TPTE2: variants seen among roughly 807,000 people sequenced by gnomAD.
TPTE2 encodes phosphatidylinositol 3,4,5-trisphosphate 3-phosphatase TPTE2.
In TPTE2, 53 loss-of-function variants were observed where a neutral mutation model predicts 78.6. The ratio of observed to expected loss-of-function variants is 0.67; its 90% confidence interval spans 0.54 to 0.85. TPTE2 has a LOEUF of 0.85. Among genes scored for constraint, TPTE2 ranks in the 40% least tolerant of loss-of-function variants. The pLI, the probability that TPTE2 is intolerant of heterozygous loss-of-function variation, is 0.00. For missense variants in TPTE2, 461 were observed against 623.0 expected (o/e 0.74, Z 2.77); for synonymous variants, 175 against 206.2 (o/e 0.85, Z 1.30).
At chr13:19,534,380 C>A (rs923871776) in intron 1 of TPTE2, among the ~76,000 whole-genome samples, 2 of 152,174 alleles carry the variant, frequency 1.3e-5, no homozygotes, top group South Asian at 2.1e-4. Flanking sequence ...ATGAAACGCT[C>A]CCTTGGGGGC....
At chr13:19,495,762 C>T (rs1169882467) in intron 1 of TPTE2, among the ~76,000 whole-genome samples, 1 of 152,220 alleles carries the variant, frequency 6.6e-6, no homozygotes, top group Non-Finnish European at 1.5e-5. Flanking sequence ...TGCCAAAGAA[C>T]TTAACATGTA....
intron 6 of TPTE2, among the ~76,000 whole-genome samples, chr13:19,468,097 A>G (rs1399993238): frequency 4.6e-4 from 51 of 111,790 alleles, no homozygotes; most frequent in Non-Finnish European, 6.8e-4. Context: ...CTGGAGTGCA[A>G]TGGCGTGATC....
chr13:19,547,724 T>TATATATATATA, the TPTE2 span, among the ~76,000 whole-genome samples: 3 of 56,222 alleles, frequency 5.3e-5, 1 homozygote, highest in African/African-American at 4.9e-5. Flanking sequence ...AATATACATA[T>TATATATATATA]ATATATATAT....
chr13:19,438,318 C>T (rs991751592), intron 13 of TPTE2, 165 bp from the exon 17 acceptor site: 8 of 985,208 alleles, frequency 8.1e-6, no homozygotes, highest in African/African-American at 7.0e-5. Flanking sequence ...CTCATTGCAA[C>T]CTCCGCCTCA....
At chr13:19,497,838 G>A (rs553551299) in intron 1 of TPTE2, among the ~76,000 whole-genome samples, 9 of 150,764 alleles carry the variant, frequency 6.0e-5, no homozygotes, top group African/African-American at 1.2e-4. Context: ...GGCTTCAGAC[G>A]ATCAAATTAC....
chr13:19,440,428 TAAA>T (rs35288537), intron 13 of TPTE2, among the ~76,000 whole-genome samples: 1 of 151,564 alleles, frequency 6.6e-6, no homozygotes, highest in African/African-American at 2.4e-5. Context: ...TCTTTCTTGA[TAAA>T]AAAAAAACAC....
intron 1 of TPTE2, among the ~76,000 whole-genome samples, chr13:19,518,259 A>G (rs569123931): frequency 6.6e-6 from 1 of 152,328 alleles, no homozygotes; most frequent in East Asian, 1.9e-4. Flanking sequence ...AGAAATGGTA[A>G]ATGTTTAAGG....
the TPTE2 span, among the ~76,000 whole-genome samples, chr13:19,548,018 T>C: frequency 2.0e-5 from 3 of 151,956 alleles, no homozygotes; most frequent in Non-Finnish European, 2.9e-5. Flanking sequence ...ACATAAGAGA[T>C]AGTGAAACAT....
the TPTE2 span, among the ~76,000 whole-genome samples, chr13:19,552,003 G>A: frequency 6.6e-6 from 1 of 152,110 alleles, no homozygotes; most frequent in East Asian, 1.9e-4. Context: ...TTTTGATTTA[G>A]GAAGAGATAA....
the TPTE2 span, among the ~76,000 whole-genome samples, chr13:19,546,483 C>CTTT: frequency 0.03 from 2,575 of 84,926 alleles, 158 homozygotes; most frequent in African/African-American, 0.039. Flanking sequence ...TTTTCTTTTT[C>CTTT]TTTTTTTTTT....
intron 3 of TPTE2, among the ~76,000 whole-genome samples, chr13:19,488,427 A>G (rs1389359054): frequency 2.0e-5 from 3 of 152,224 alleles, no homozygotes; most frequent in Admixed American, 6.5e-5. Context: ...ATAAAAGACT[A>G]TCTTGTCTAC....
intron 17 of TPTE2, among the ~76,000 whole-genome samples, chr13:19,428,393 A>G (rs1205532929): frequency 6.6e-6 from 1 of 152,194 alleles, no homozygotes; most frequent in Non-Finnish European, 1.5e-5. Flanking sequence ...GGTTGTGGTG[A>G]GCTGAGATTG....
At position 19,461,807 on chromosome 13, in the gene TPTE2, G is replaced by A. The variant is rs190575921; in HGVS notation, c.741+2649C>T. ...CTTAAAGTCTGTTTTTATCTGATAA[G>A]TATGGCTACCTCTGCTCGCTTTTGG... On this transcript the variant is annotated intron_variant, in intron 10 of 19. Coordinates refer to ENST00000400230, the Ensembl canonical transcript of TPTE2. 2.1e-3 allele frequency among the ~76,000 whole-genome samples: 323 copies of A among 152,176 alleles called. 2 individuals are homozygous for A. Among genetic ancestry groups the A allele is most frequent in the African/African-American group, 5.9e-3 (244 of 41,516 alleles).
At chr13:19,509,108 C>T (rs1320011713) in intron 1 of TPTE2, among the ~76,000 whole-genome samples, 2 of 152,010 alleles carry the variant, frequency 1.3e-5, no homozygotes, top group African/African-American at 4.8e-5. Context: ...AATAACATGA[C>T]AAAGTTTGTA....
At chr13:19,432,645 T>C (rs1876751257) in intron 15 of TPTE2, 67 bp from the exon 19 acceptor site, 5 of 1,046,750 alleles carry the variant, frequency 4.8e-6, no homozygotes, top group South Asian at 4.3e-5. Flanking sequence ...TCCTTTTTTT[T>C]TTTTTTTTTG....
At chr13:19,514,150 A>G (rs1869638154) in intron 1 of TPTE2, among the ~76,000 whole-genome samples, 1 of 152,188 alleles carries the variant, frequency 6.6e-6, no homozygotes, top group Non-Finnish European at 1.5e-5. Flanking sequence ...TTGAGAGAGT[A>G]TCATACACAG....
intron 1 of TPTE2, among the ~76,000 whole-genome samples, chr13:19,502,616 G>A (rs1868676643): frequency 6.8e-6 from 1 of 148,068 alleles, no homozygotes; most frequent in Non-Finnish European, 1.5e-5. Flanking sequence ...CATGGACACA[G>A]GAAGGGGAAT....
chr13:19,454,675 C>T (rs1205511444), intron 10 of TPTE2, among the ~76,000 whole-genome samples: 2 of 151,942 alleles, frequency 1.3e-5, no homozygotes, highest in African/African-American at 4.8e-5. Context: ...TTGTCAATGC[C>T]CCAAGGAGAT....
chr13:19,441,713 A>C (rs1002376352), intron 13 of TPTE2, among the ~76,000 whole-genome samples: 2 of 152,190 alleles, frequency 1.3e-5, no homozygotes, highest in African/African-American at 4.8e-5. Flanking sequence ...TTAATGACAT[A>C]ATATTGACAG....
Sources: allele counts gnomAD v4.1 joint callset (sites outside exome capture counted in the v4.1 genomes callset), GRCh38; gene constraint gnomAD v4.1.1; transcripts MANE v1.5; gene names NCBI Gene and HGNC (gene_info 2026-07-23, HGNC 2026-07-21).